AKNAD1: variants seen among roughly 807,000 people sequenced by gnomAD.
AKNAD1 encodes protein AKNAD1.
AKNAD1 carries 67 observed loss-of-function variants against 90.8 expected under a neutral mutation model. The observed-to-expected ratio is 0.74, with a 90% CI of 0.61 to 0.90. The LOEUF is 0.90. Among genes scored for constraint, AKNAD1 ranks in the 40% least tolerant of loss-of-function variants. The pLI is 0.00. For synonymous variants in AKNAD1, 327 were observed against 341.4 expected, an observed-to-expected ratio of 0.96 and a Z score of 0.46; for missense variants, 957 against 975.4, an observed-to-expected ratio of 0.98 and a Z score of 0.25.
At chr1:108,852,889 C>T in intron 1 of AKNAD1, 122 bp from the exon 2 acceptor site, 4 of 376,766 alleles carry the variant, frequency 1.1e-5, no homozygotes, top group South Asian at 2.8e-4. Context: ...AGGCAGGAAG[C>T]TCAACCACAA....
chr1:108,843,313 G>T, intron 5 of AKNAD1, 46 bp from the exon 6 acceptor site: 1 of 1,601,968 alleles, frequency 6.2e-7, no homozygotes. Context: ...AAGCCTGTGT[G>T]TGTAATTGTT....
rs1664778381 is a variant in AKNAD1 at position 108,848,985 on chromosome 1, A to C, written c.1109T>G (p.Ile370Arg). The change falls in exon 4 of 16, where the codon ATA becomes AGA. Residue 370 changes from isoleucine to arginine, a missense_variant. Transcript: ENST00000370001. ...QKGTSSSSSY[I>R]FQKISQGKQM... ...TTTCCCTTGGGATATCTTTTGAAAT[A>C]TGTAAGAAGAACTTGAGGAAGTGCC... 1.9e-6 allele frequency: 3 copies of C among 1,611,716 alleles called. No homozygotes were observed. The highest frequency in any genetic ancestry group is 2.5e-6 in the Non-Finnish European group (3 of 1,179,466).
In AKNAD1 at chr1:108,831,444, C is replaced by T. The variant is rs76478089; in HGVS notation, c.1747-794G>A. On this transcript the variant is annotated intron_variant, in intron 9 of 15. Transcript: ENST00000370001. Reference sequence around the variant, plus strand: ...CAAATTGCTTTCCACAAAAGTTGTACAGATTTCACAGCCACCAACAGTGTG... The same window carrying T: ...CAAATTGCTTTCCACAAAAGTTGTATAGATTTCACAGCCACCAACAGTGTG... Among the ~76,000 whole-genome samples the T allele has an allele frequency of 1.4e-3, 217 of 152,300 alleles. 6 individuals carry two copies. The East Asian group carries it at 0.033, about 23-fold the overall frequency.
At position 108,827,187 on chromosome 1, in the gene AKNAD1, C is replaced by T; in HGVS notation, c.1936+18G>A. ...GGACACTGAAAAATGAGCACCCAGC[C>T]CAAGCCCATCAACTTACTGGGAGTT... On this transcript the variant is annotated intron_variant, in intron 11 of 15. Transcript: ENST00000370001. 1 of 1,596,934 alleles carries T rather than the reference C, an allele frequency of 6.3e-7. No individual in the cohort carries two copies. Among genetic ancestry groups the T allele is most frequent in the Non-Finnish European group, 8.6e-7 (1 of 1,167,180 alleles).
intron 9 of AKNAD1, among the ~76,000 whole-genome samples, chr1:108,834,112 A>G (rs964323377): frequency 6.6e-6 from 1 of 152,218 alleles, no homozygotes; most frequent in Non-Finnish European, 1.5e-5. Flanking sequence ...CAGCTTTGGC[A>G]TCACCTGGGG....
At position 108,852,448 on chromosome 1, in the gene AKNAD1, G is replaced by A; in HGVS notation, c.217C>T (p.Leu73=). ...GCAGCATTTTCAGTAATTTTACCCA[G>A]GGGTATGGTCACAGCTGTATTTCCA... ...TCGNTAVTIP[L]GKITENAANK... The change falls in exon 2 of 16, where the codon CTG becomes TTG. Residue 73 remains leucine, a synonymous_variant. Transcript: ENST00000370001. The A allele has an allele frequency of 1.9e-6, 3 of 1,613,752 alleles. No individual in the cohort carries two copies.
chr1:108,836,790 G>A (rs1664399174), intron 7 of AKNAD1: 1 of 152,208 alleles, frequency 6.6e-6, no homozygotes, highest in Non-Finnish European at 1.5e-5. Flanking sequence ...TGAATGTTCT[G>A]ATAGTTGAGG....
chr1:108,827,266 G>C lies in AKNAD1; in HGVS notation c.1875C>G (p.Ile625Met), dbSNP rs755015083. ...QNVEKKGHGR[I>M]NCGRFSIVLH... ...GGACAATTGAAAATCTTCCACAGTT[G>C]ATCCTTCCGTGGCCCTTTTTCTCCA... The change falls in exon 11 of 16, where the codon ATC becomes ATG. Residue 625 changes from isoleucine (I) to methionine (M), a missense_variant. Ile to Met is a conservative substitution (Grantham distance 10). Coordinates refer to ENST00000370001, the MANE Select transcript of AKNAD1 (RefSeq NM_152763.5). The C allele has an allele frequency of 5.6e-6, 9 of 1,611,756 alleles. No individual in the cohort carries two copies. Among genetic ancestry groups the C allele is most frequent in the Non-Finnish European group, 7.6e-6 (9 of 1,179,392 alleles).
intron 6 of AKNAD1, among the ~76,000 whole-genome samples, chr1:108,838,155 T>C (rs143281537): frequency 2.4e-4 from 37 of 152,272 alleles, no homozygotes; most frequent in African/African-American, 7.7e-4. Flanking sequence ...TGTATATAAA[T>C]ATATATTTTA....
In AKNAD1 at chr1:108,823,676, C is replaced by T; in HGVS notation, c.1949G>A (p.Gly650Glu). 3 of 1,613,988 alleles carry T rather than the reference C, an allele frequency of 1.9e-6. No homozygotes were observed. The highest frequency in any genetic ancestry group is 2.5e-6 in the Non-Finnish European group (3 of 1,179,956). Reference protein sequence around the residue: ...HSDSTPNSDTGHSFCSDSGTE... With the variant: ...HSDSTPNSDTEHSFCSDSGTE... ...GCCAGAATCAGAACAGAAGCTGTGT[C>T]CTGTATCAGAATCTGAAAAAGCCCA... The change falls in exon 12 of 16, where the codon GGA becomes GAA. Residue 650 changes from glycine to glutamate, a missense_variant. Physicochemically the swap from Gly to Glu is moderately conservative, Grantham distance 98. Coordinates refer to ENST00000370001, the MANE Select transcript of AKNAD1 (RefSeq NM_152763.5).
At position 108,816,240 on chromosome 1, in the gene AKNAD1, A is replaced by C. The variant is rs1325659918; in HGVS notation, c.2442T>G (p.Asp814Glu). Residue 814 changes from aspartate to glutamate, a missense_variant, in exon 16 of 16, where the codon GAT (aspartate) becomes GAG (glutamate). By Grantham distance (45) the Asp-to-Glu change is conservative. Transcript: ENST00000370001. ...RTATILKETT[D>E]QMIKTIAEDL... The stretch of plus-strand genomic sequence containing the variant: ...CTTCTGCAATCGTTTTAATCATTTG[A>C]TCTGTAGTTTCTTTCAAAATGGTTG... The C allele has an allele frequency of 3.1e-6, 5 of 1,613,760 alleles. No individual in the cohort carries two copies. Among genetic ancestry groups the C allele is most frequent in the South Asian group, 1.1e-5 (1 of 90,986 alleles).
rs1663892990 is a variant in AKNAD1 at position 108,823,581 on chromosome 1, T to C, written c.2044A>G (p.Lys682Glu). The C allele has an allele frequency of 6.2e-7, 1 of 1,614,184 alleles. No individual in the cohort carries two copies. The highest frequency in any genetic ancestry group is 1.1e-5 in the South Asian group (1 of 91,084). The change falls in exon 12 of 16, where the codon AAA becomes GAA. Residue 682 changes from lysine to glutamate, a missense_variant. By Grantham distance (56) the Lys-to-Glu change is moderately conservative. Coordinates refer to ENST00000370001, the MANE Select transcript of AKNAD1 (RefSeq NM_152763.5). Reference sequence around the variant, plus strand: ...TGAGTGTTACCTTTAGTTGGTTCTTTCCTGCAGGCTCTTCGGGAGGTAGGA... The same window carrying C: ...TGAGTGTTACCTTTAGTTGGTTCTTCCCTGCAGGCTCTTCGGGAGGTAGGA... ...KIPTSRRACRKEPTKEFHYRY... is the reference protein window; with the variant it reads ...KIPTSRRACREEPTKEFHYRY...
intron 14 of AKNAD1, chr1:108,817,497 A>ATTTTTTTTTTTT (rs10681740): frequency 6.6e-5 from 4 of 60,334 alleles, no homozygotes; most frequent in Non-Finnish European, 1.1e-4. Flanking sequence ...TTTTTTTTTA[A>ATTTTTTTTTTTT]TTTTTTTTTT....
intron 10 of AKNAD1, 38 bp downstream of exon 10, chr1:108,830,521 C>T: frequency 2.5e-6 from 4 of 1,601,556 alleles, no homozygotes; most frequent in South Asian, 1.1e-5. Context: ...GGACTGACTC[C>T]AATCCACCCT....
chr1:108,850,263 T>C (rs746785238), intron 2 of AKNAD1, among the ~76,000 whole-genome samples: 1 of 152,212 alleles, frequency 6.6e-6, no homozygotes, highest in Non-Finnish European at 1.5e-5. Flanking sequence ...TTTCTAGACA[T>C]CTCAACTATA....
At chr1:108,856,745 A>C (rs7519107) in intron 1 of AKNAD1, among the ~76,000 whole-genome samples, 184 bp downstream of exon 1, 9,828 of 149,976 alleles carry the variant, frequency 0.066, 495 homozygotes, top group Non-Finnish European at 0.096. Flanking sequence ...CACACACACA[A>C]ACACACACAC....
chr1:108,852,056 A>G lies in AKNAD1; in HGVS notation c.609T>C (p.Ala203=). 1.2e-6 allele frequency: 2 copies of G among 1,614,108 alleles called. No homozygotes were observed. Among genetic ancestry groups the G allele is most frequent in the Middle Eastern group, 1.6e-4 (1 of 6,062 alleles). ...NTSDLEGPVA[A]GDSSHQENVN... Reference sequence around the variant, plus strand: ...CATTTTCTTGATGGCTGCTATCTCCAGCAGCCACTGGCCCTTCTAAATCAG... The same window carrying G: ...CATTTTCTTGATGGCTGCTATCTCCGGCAGCCACTGGCCCTTCTAAATCAG... Residue 203 remains alanine, a synonymous_variant, in exon 2 of 16, where the codon GCT becomes GCC. Transcript: ENST00000370001.
rs1664333971 is a variant in AKNAD1 at position 108,834,937 on chromosome 1, G to A, written c.1656C>T (p.Ala552=). ...CCAGGGCTAGGACTCACGTCTGCGGGGCCAGCTCACAGAGCTCCTCGTTGG... is the reference window on the plus strand; with the variant it reads ...CCAGGGCTAGGACTCACGTCTGCGGAGCCAGCTCACAGAGCTCCTCGTTGG... The part of the protein sequence containing the change: ...EAPNEELCEL[A]PQTYLNGHYG... The change falls in exon 8 of 16, where the codon GCC becomes GCT. Residue 552 remains alanine (A), a synonymous_variant. Transcript: ENST00000370001. 1 of 1,537,894 alleles carries A rather than the reference G, an allele frequency of 6.5e-7. No individual in the cohort carries two copies. Among genetic ancestry groups the A allele is most frequent in the Non-Finnish European group, 8.7e-7 (1 of 1,151,926 alleles).
chr1:108,826,769 C>T (rs375274775), intron 11 of AKNAD1, among the ~76,000 whole-genome samples: 3 of 136,464 alleles, frequency 2.2e-5, no homozygotes, highest in Non-Finnish European at 4.6e-5. Flanking sequence ...AAACAGGGTC[C>T]TACTCTGTCG....
Sources: allele counts gnomAD v4.1 joint callset (sites outside exome capture counted in the v4.1 genomes callset), GRCh38; gene constraint gnomAD v4.1.1; transcripts MANE v1.5; gene names NCBI Gene and HGNC (gene_info 2026-07-23, HGNC 2026-07-21).